NWD1: variants seen among roughly 807,000 people sequenced by gnomAD.
NWD1 encodes the protein NACHT and WD repeat domain containing 1.
A neutral mutation model predicts 135.1 loss-of-function variants in NWD1; 129 were observed. The observed-to-expected ratio is 0.96, with a 90% CI of 0.83 to 1.11. NWD1 has a LOEUF of 1.11. Among genes scored for constraint, NWD1 ranks in the 50% least tolerant of loss-of-function variants. NWD1 has a pLI of 0.00. For missense variants in NWD1, 1,740 were observed against 1,851.3 expected (o/e 0.94, Z 1.10); for synonymous variants, 773 against 786.0 (o/e 0.98, Z 0.28).
At chr19:16,769,444 A>G (rs1411224512) in intron 10 of NWD1, among the ~76,000 whole-genome samples, 1 of 139,674 alleles carries the variant, frequency 7.2e-6, no homozygotes, top group Non-Finnish European at 1.5e-5. Context: ...CCTTGGCGAC[A>G]GAGCAAAATT....
At chr19:16,784,398 A>C (rs566250199) in intron 12 of NWD1, among the ~76,000 whole-genome samples, 64 of 152,104 alleles carry the variant, frequency 4.2e-4, no homozygotes, top group African/African-American at 1.5e-3. Flanking sequence ...CAATAGTAAT[A>C]AAGTATACAG....
At chr19:16,800,212 T>TA (rs1455242396) in intron 17 of NWD1, 50 bp downstream of exon 17, 1 of 1,516,602 alleles carries the variant, frequency 6.6e-7, no homozygotes, top group Non-Finnish European at 9.0e-7. Flanking sequence ...CTTGGAGCCA[T>TA]CTGTCTTAGT....
intron 17 of NWD1, among the ~76,000 whole-genome samples, chr19:16,800,547 AT>A (rs1357383213): frequency 1.3e-5 from 2 of 152,088 alleles, no homozygotes; most frequent in Non-Finnish European, 2.9e-5. Context: ...ATAAAATAAA[AT>A]AAATTATCCC....
intron 3 of NWD1, among the ~76,000 whole-genome samples, chr19:16,734,409 C>A (rs974197683): frequency 3.3e-5 from 5 of 151,690 alleles, no homozygotes; most frequent in African/African-American, 1.2e-4. Flanking sequence ...ATTAGCCGGG[C>A]ATGTAGTCCC....
intron 12 of NWD1, among the ~76,000 whole-genome samples, chr19:16,788,188 C>A (rs1465034014): frequency 1.4e-5 from 2 of 146,930 alleles, no homozygotes; most frequent in Non-Finnish European, 3.0e-5. Flanking sequence ...CAGGGCCACG[C>A]CACTGCACTC....
At chr19:16,746,499 T>G (rs1286493751) in intron 5 of NWD1, among the ~76,000 whole-genome samples, 1 of 151,692 alleles carries the variant, frequency 6.6e-6, no homozygotes, top group East Asian at 1.9e-4. Context: ...ATAGTGAAAC[T>G]CTGTCTCTAC....
chr19:16,759,263 C>G lies in NWD1; in HGVS notation c.1808C>G (p.Ser603Cys), dbSNP rs1449745448. ...LSEAELKDVL[S>C]LDDEVLQDVY... Reference sequence around the variant, plus strand: ...GAGGCGGAGCTGAAGGATGTTTTGTCCCTGGACGACGAGGTCCTGCAGGAT... The same window carrying G: ...GAGGCGGAGCTGAAGGATGTTTTGTGCCTGGACGACGAGGTCCTGCAGGAT... Residue 603 changes from serine (S) to cysteine (C), a missense_variant, in exon 7 of 19, where the codon TCC (serine) becomes TGC (cysteine). Transcript: ENST00000524140. The G allele has an allele frequency of 6.2e-7, 1 of 1,614,114 alleles. No homozygotes were observed. Among genetic ancestry groups the G allele is most frequent in the African/African-American group, 1.3e-5 (1 of 75,038 alleles).
intron 4 of NWD1, among the ~76,000 whole-genome samples, chr19:16,740,945 G>T (rs1032006636): frequency 6.6e-6 from 1 of 152,030 alleles, no homozygotes; most frequent in East Asian, 2.0e-4. Context: ...GATCACTTGA[G>T]GTCAGGAATT....
rs138932353 is a variant in NWD1, at chr19:16,791,562, C to T, written c.3153C>T (p.Ala1051=). 585 of 1,614,150 alleles carry T rather than the reference C, an allele frequency of 3.6e-4. No homozygotes were observed. Among genetic ancestry groups the T allele is most frequent in the Middle Eastern group, 8.3e-4 (5 of 6,060 alleles). The part of the protein sequence containing the change: ...SSIKEETPTC[A]VSVQKQGKLV... ...TCAAAGAAGAAACACCTACCTGTGC[C>T]GTCTCAGTCCAGAAGCAAGGAAAGC... Residue 1051 remains alanine, a synonymous_variant, in exon 14 of 19, where the codon GCC becomes GCT. Coordinates refer to ENST00000524140, the MANE Select transcript of NWD1 (RefSeq NM_001007525.5).
intron 12 of NWD1, among the ~76,000 whole-genome samples, chr19:16,784,883 C>T (rs1342973146): frequency 1.3e-5 from 2 of 150,634 alleles, no homozygotes; most frequent in East Asian, 2.0e-4. Context: ...GAGCCGAGAT[C>T]GCGCCACTGC....
intron 13 of NWD1, among the ~76,000 whole-genome samples, 168 bp from the exon 14 acceptor site, chr19:16,791,182 C>T (rs1021231612): frequency 2.0e-5 from 3 of 152,082 alleles, no homozygotes; most frequent in Non-Finnish European, 1.5e-5. Context: ...TGCAGTGAGC[C>T]ATGATTGCAC....
At position 16,744,430 on chromosome 19, in the gene NWD1, G is replaced by A. The variant is rs1004762754; in HGVS notation, c.208G>A (p.Gly70Ser). The change falls in exon 5 of 19, where the codon GGT (glycine) becomes AGT (serine). Residue 70 changes from glycine to serine, a missense_variant. By Grantham distance (56) the Gly-to-Ser change is moderately conservative. Coordinates refer to ENST00000524140, the MANE Select transcript of NWD1 (RefSeq NM_001007525.5). The part of the protein sequence containing the change: ...SIGPAFVALI[G>S]DQYGPCLIPS... ...ACTTCCTCTCTGCCAGGCCCTCATC[G>A]GTGATCAGTACGGCCCCTGTCTGAT... The A allele has an allele frequency of 1.2e-5, 19 of 1,535,378 alleles. No homozygotes were observed. The highest frequency in any genetic ancestry group is 2.4e-5 in the East Asian group (1 of 40,910).
In NWD1 at chr19:16,739,670, A is replaced by G. The variant is rs543238022; in HGVS notation, c.198+2920A>G. 7.2e-5 allele frequency among the ~76,000 whole-genome samples: 11 copies of G among 152,232 alleles called. No homozygotes were observed. The South Asian group carries it at 1.7e-3, about 23-fold the overall frequency. ...ATTTGTGGGGGCGCCTTCCACAAAA[A>G]TCAGAGATGTGCTGGAGGCCCTTGG... On this transcript the variant is annotated intron_variant, in intron 4 of 18. Transcript: ENST00000524140.
intron 11 of NWD1, among the ~76,000 whole-genome samples, chr19:16,777,455 T>G (rs964022790): frequency 0.021 from 26 of 1,264 alleles, no homozygotes; most frequent in Admixed American, 0.044. Context: ...GGGGAGGGAA[T>G]GGGAGGGGAG....
Position 16,802,052 on chromosome 19 carries a change from G to A in NWD1, c.3736+1890G>A, listed in dbSNP as rs1049532080. On this transcript the variant is annotated intron_variant, in intron 17 of 18. Transcript: ENST00000524140. The stretch of plus-strand genomic sequence containing the variant: ...TGTAGTCCCAGCACTTTGGGAGGCT[G>A]AGTTGGGTGGATCACGAGGTCAGGA... Among the ~76,000 whole-genome samples, 41 of 151,958 alleles carry A rather than the reference G, an allele frequency of 2.7e-4. 1 individual carries two copies. The highest frequency in any genetic ancestry group is 9.7e-4 in the African/African-American group (40 of 41,382).
At chr19:16,755,865 G>T (rs972710543) in intron 6 of NWD1, among the ~76,000 whole-genome samples, 1 of 152,018 alleles carries the variant, frequency 6.6e-6, no homozygotes, top group Non-Finnish European at 1.5e-5. Context: ...TATACAGTTG[G>T]CTCTTGAACA....
chr19:16,783,969 C>A (rs117772843), intron 12 of NWD1, among the ~76,000 whole-genome samples: 1 of 151,960 alleles, frequency 6.6e-6, no homozygotes, highest in African/African-American at 2.4e-5. Flanking sequence ...CCCAACACTT[C>A]GGGAGGCCGC....
At chr19:16,757,805 A>G (rs1025616637) in intron 6 of NWD1, among the ~76,000 whole-genome samples, 2 of 152,164 alleles carry the variant, frequency 1.3e-5, no homozygotes, top group African/African-American at 4.8e-5. Context: ...TAATCCCAAC[A>G]CTTTGGGAGG....
intron 4 of NWD1, among the ~76,000 whole-genome samples, chr19:16,738,738 A>G (rs1273844886): frequency 1.4e-5 from 2 of 141,456 alleles, no homozygotes; most frequent in African/African-American, 5.4e-5. Context: ...ATCTATATAT[A>G]ATATATATAT....
Sources: gnomAD v4.1 joint callset for allele counts (sites outside exome capture counted in the v4.1 genomes callset) on GRCh38, gnomAD v4.1.1 for gene constraint, MANE v1.5 for transcripts, NCBI Gene and HGNC (gene_info 2026-07-23, HGNC 2026-07-21) for gene names.